TARBP1: variants seen among roughly 807,000 people sequenced by gnomAD.
TARBP1 encodes the protein tRNA guanosine 2 -O-methyltransferase TARBP1.
TARBP1 carries 144 observed loss-of-function variants against 178.6 expected under a neutral mutation model. That is an observed-to-expected ratio of 0.81 (90% CI 0.70 to 0.93). The LOEUF (loss-of-function observed/expected upper bound fraction) is 0.93. Among genes scored for constraint, TARBP1 ranks in the 40% least tolerant of loss-of-function variants. The pLI is 0.00. For missense variants in TARBP1, 2,067 were observed against 2,011.7 expected (o/e 1.03, Z -0.53); for synonymous variants, 787 against 781.0 (o/e 1.01, Z -0.13).
chr1:234,429,988 A>G, intron 15 of TARBP1, 99 bp downstream of exon 15: 1 of 1,211,824 alleles, frequency 8.3e-7, no homozygotes, highest in Non-Finnish European at 1.2e-6. Context: ...ATGGAGCTTC[A>G]GCCCCAAAAT....
chr1:234,474,542 A>G (rs1224031148), intron 1 of TARBP1, among the ~76,000 whole-genome samples: 1 of 152,168 alleles, frequency 6.6e-6, no homozygotes, highest in Admixed American at 6.5e-5. Context: ...GTGAAATTTC[A>G]GAATGCTAGA....
chr1:234,438,325 G>A (rs1665244111), intron 12 of TARBP1, among the ~76,000 whole-genome samples: 1 of 152,182 alleles, frequency 6.6e-6, no homozygotes, highest in Non-Finnish European at 1.5e-5. Context: ...CCAATAAGAT[G>A]ACTTGGGTGT....
chr1:234,422,741 T>C (rs1663253317), intron 20 of TARBP1, among the ~76,000 whole-genome samples: 1 of 152,210 alleles, frequency 6.6e-6, no homozygotes, highest in African/African-American at 2.4e-5. Flanking sequence ...ACAGTATAAC[T>C]GGATTGTTTG....
At position 234,446,937 on chromosome 1, in the gene TARBP1, A is replaced by T; in HGVS notation, c.2000T>A (p.Leu667Ter). 6.2e-7 allele frequency: 1 copy of T among 1,613,870 alleles called. No individual in the cohort carries two copies. Among genetic ancestry groups the T allele is most frequent in the Non-Finnish European group, 8.5e-7 (1 of 1,179,836 alleles). The change falls in exon 12 of 30, where the codon TTA becomes TAA. Residue 667 changes from leucine to a stop codon, truncating the protein, a stop_gained. Coordinates refer to ENST00000040877, the MANE Select transcript of TARBP1 (RefSeq NM_005646.4). LOFTEE classifies it high-confidence loss of function. ...CATAAGCACATCCAGAAGAGGGTCT[A>T]AGAATATCCGCAATACATTCTCTGT... ...QRTENVLRIF[L>*]DPLLDVLMKF...
intron 20 of TARBP1, among the ~76,000 whole-genome samples, chr1:234,424,468 CA>C (rs1663478168): frequency 6.6e-6 from 1 of 152,234 alleles, no homozygotes; most frequent in African/African-American, 2.4e-5. Flanking sequence ...ATCACACACC[CA>C]GATCTAGAAA....
intron 26 of TARBP1, 57 bp from the exon 27 acceptor site, chr1:234,393,894 T>A: frequency 7.8e-7 from 1 of 1,279,520 alleles, no homozygotes; most frequent in Non-Finnish European, 1.1e-6. Flanking sequence ...CTCTATATAT[T>A]TATGTATACA....
At chr1:234,413,937 G>A (rs984906743) in intron 22 of TARBP1, among the ~76,000 whole-genome samples, 2 of 152,216 alleles carry the variant, frequency 1.3e-5, no homozygotes, top group Non-Finnish European at 2.9e-5. Flanking sequence ...TTTCTGGTTT[G>A]TGCAACTGTA....
chr1:234,478,731 G>A lies in TARBP1; in HGVS notation c.373C>T (p.Leu125=). The A allele has an allele frequency of 2.5e-6, 3 of 1,188,700 alleles. No homozygotes were observed. Among genetic ancestry groups the A allele is most frequent in the Non-Finnish European group, 3.1e-6 (3 of 961,216 alleles). 73.6% of individuals were successfully genotyped at this position (1,188,700 alleles called of 1,614,324 possible). ...QLAAALAEEA[L]RDLLAGWRAP... is the part of the protein sequence containing the mutation. ...CGCCACCCGGCGAGCAGATCGCGCA[G>A]CGCCTCCTCAGCCAGCGCGGCCGCC... is the stretch of plus-strand genomic sequence containing the variant. Residue 125 remains leucine, a synonymous_variant, in exon 1 of 30, where the codon CTG becomes TTG. Transcript: ENST00000040877.
chr1:234,412,330 G>A (rs546352595), intron 22 of TARBP1, among the ~76,000 whole-genome samples: 2 of 151,916 alleles, frequency 1.3e-5, no homozygotes, highest in African/African-American at 2.4e-5. Context: ...GCTGAGGCAG[G>A]AGAATCACTT....
Position 234,393,720 on chromosome 1 carries a change from G to A in TARBP1, c.4361C>T (p.Ala1454Val). 3 of 1,613,976 alleles carry A rather than the reference G, an allele frequency of 1.9e-6. No homozygotes were observed. Among genetic ancestry groups the A allele is most frequent in the Non-Finnish European group, 2.5e-6 (3 of 1,179,996 alleles). The change falls in exon 27 of 30, where the codon GCT (alanine) becomes GTT (valine). Residue 1454 changes from alanine (A) to valine (V), a missense_variant. Ala to Val is a moderately conservative substitution (Grantham distance 64). Transcript: ENST00000040877. Reference sequence around the variant, plus strand: ...ACTAATTGACTTTCCAAGTCTGGCAGCACGATCCTGAAACAGGAGCTCCAG... The same window carrying A: ...ACTAATTGACTTTCCAAGTCTGGCAACACGATCCTGAAACAGGAGCTCCAG... Reference protein sequence around the residue: ...LDLELLFQDRAARLGKSISRL... With the variant: ...LDLELLFQDRVARLGKSISRL...
At position 234,433,518 on chromosome 1, in the gene TARBP1, T is replaced by C; in HGVS notation, c.2286A>G (p.Ile762Met). The C allele has an allele frequency of 1.9e-6, 3 of 1,614,062 alleles. No individual in the cohort carries two copies. The highest frequency in any genetic ancestry group is 2.5e-6 in the Non-Finnish European group (3 of 1,180,000). ...HLYLMVLTEL[I>M]NLHLKVGWKR... ...TCCACCCAACCTTCAAATGCAGATT[T>C]ATAAGCTCAGTTAACACCATCAGGT... The change falls in exon 14 of 30, where the codon ATA becomes ATG. Residue 762 changes from isoleucine to methionine, a missense_variant. Ile to Met is a conservative substitution (Grantham distance 10). Transcript: ENST00000040877.
intron 23 of TARBP1, 108 bp downstream of exon 23, chr1:234,410,337 G>A (rs574495322): frequency 1.6e-6 from 1 of 640,854 alleles, no homozygotes; most frequent in African/African-American, 1.8e-5. Flanking sequence ...GGAAAGGAAA[G>A]GGAAAAATTG....
intron 23 of TARBP1, among the ~76,000 whole-genome samples, chr1:234,409,418 T>C (rs1157439721): frequency 6.6e-6 from 1 of 152,212 alleles, no homozygotes; most frequent in East Asian, 1.9e-4. Flanking sequence ...CTGTTTTAGC[T>C]TTCTCAATAG....
At chr1:234,429,071 T>A (rs565707673) in intron 17 of TARBP1, 65 bp downstream of exon 17, 16 of 1,409,868 alleles carry the variant, frequency 1.1e-5, no homozygotes, top group Non-Finnish European at 1.5e-5. Flanking sequence ...ACAACTCTCA[T>A]GTTCCTCATG....
intron 25 of TARBP1, among the ~76,000 whole-genome samples, chr1:234,398,812 C>A (rs1382401897): frequency 6.6e-6 from 1 of 152,104 alleles, no homozygotes; most frequent in Non-Finnish European, 1.5e-5. Context: ...TGTAATAAAC[C>A]AGTATGTGCC....
In TARBP1 at chr1:234,410,775, A is replaced by C. The variant is rs569973717; in HGVS notation, c.3706-244T>G. ...AGCAGGTCACATAAAGTACTGAATA[A>C]CTCAACTCTAAGTACAGCGGGGCAC... is the stretch of plus-strand genomic sequence containing the variant. On this transcript the variant is annotated intron_variant, in intron 22 of 29. Transcript: ENST00000040877. Among the ~76,000 whole-genome samples, 9 of 152,312 alleles carry C rather than the reference A, an allele frequency of 5.9e-5. No homozygotes were observed. The South Asian group carries it at 1.7e-3, about 28-fold the overall frequency.
chr1:234,469,077 T>TAAAAAAAAAAAAG (rs1668784115), intron 3 of TARBP1, among the ~76,000 whole-genome samples: 2 of 63,764 alleles, frequency 3.1e-5, no homozygotes, highest in Non-Finnish European at 5.8e-5. Context: ...TTTTTTTTTT[T>TAAAAAAAAAAAAG]AAAAAAAAAA....
intron 24 of TARBP1, among the ~76,000 whole-genome samples, chr1:234,404,921 G>A (rs920173181): frequency 6.6e-5 from 10 of 152,126 alleles, no homozygotes; most frequent in African/African-American, 2.4e-4. Flanking sequence ...TTCAACAAAT[G>A]CATCAAAAGT....
chr1:234,404,069 G>A (rs755336570), intron 24 of TARBP1, among the ~76,000 whole-genome samples: 64 of 152,130 alleles, frequency 4.2e-4, no homozygotes, highest in Non-Finnish European at 7.8e-4. Flanking sequence ...GCGTTTTATT[G>A]CTTAATAAAA....
Sources: gnomAD v4.1 joint callset for allele counts (sites outside exome capture counted in the v4.1 genomes callset) on GRCh38, gnomAD v4.1.1 for gene constraint, MANE v1.5 for transcripts, NCBI Gene and HGNC (gene_info 2026-07-23, HGNC 2026-07-21) for gene names.